The following PEAK1 variants were observed in gnomAD, a reference collection of about 807,000 sequenced individuals.
PEAK1 encodes the protein pseudopodium enriched atypical kinase 1, also known as inactive tyrosine-protein kinase PEAK1.
A neutral mutation model predicts 124.7 loss-of-function variants in PEAK1; 54 were observed. That is an observed-to-expected ratio of 0.43 (90% CI 0.35 to 0.54). The LOEUF is 0.54. Ranked by LOEUF, PEAK1 falls within the 20% of genes least tolerant of loss-of-function variation. The pLI is 0.01. For missense variants in PEAK1, 2,046 were observed against 2,134.5 expected (o/e 0.96, Z 0.82); for synonymous variants, 719 against 760.0 (o/e 0.95, Z 0.89).
intron 8 of PEAK1, among the ~76,000 whole-genome samples, chr15:77,149,859 T>C (rs1240329251): frequency 6.6e-6 from 1 of 152,074 alleles, no homozygotes; most frequent in Non-Finnish European, 1.5e-5. Flanking sequence ...AAGGATAATC[T>C]TAACTCAGCC....
intron 1 of PEAK1, among the ~76,000 whole-genome samples, chr15:77,394,806 A>T (rs1011171001): frequency 3.9e-5 from 6 of 152,252 alleles, no homozygotes; most frequent in Non-Finnish European, 1.5e-5. Flanking sequence ...AATAAGGCAC[A>T]AGGAATCAAT....
intron 1 of PEAK1, among the ~76,000 whole-genome samples, chr15:77,381,896 G>C (rs957201074): frequency 2.6e-5 from 4 of 152,116 alleles, no homozygotes; most frequent in African/African-American, 9.7e-5. Flanking sequence ...GGGACTAAAA[G>C]AAATGAGATG....
At chr15:77,332,077 A>T (rs995015424) in intron 2 of PEAK1, 1 of 572,962 alleles carries the variant, frequency 1.7e-6, no homozygotes, top group Non-Finnish European at 2.2e-6. Flanking sequence ...TCTACTAAAA[A>T]TACGCCACTG....
intron 1 of PEAK1, chr15:77,417,298 A>T: frequency 1.1e-6 from 1 of 952,022 alleles, no homozygotes. Flanking sequence ...AGGTACTCAA[A>T]CATTTGTCAA....
chr15:77,143,526 C>T (rs1567023638), intron 8 of PEAK1, among the ~76,000 whole-genome samples: 2 of 152,166 alleles, frequency 1.3e-5, no homozygotes, highest in East Asian at 1.9e-4. Flanking sequence ...ACCTGTTTCT[C>T]GTCGCATTTC....
chr15:77,411,164 GT>G (rs1208454372), intron 1 of PEAK1, among the ~76,000 whole-genome samples: 2 of 151,782 alleles, frequency 1.3e-5, no homozygotes, highest in African/African-American at 4.8e-5. Context: ...AAAAAAAAAG[GT>G]GGGGCAAATT....
At chr15:77,117,331 C>T (rs1421160936) in intron 9 of PEAK1, among the ~76,000 whole-genome samples, 1 of 152,210 alleles carries the variant, frequency 6.6e-6, no homozygotes, top group Non-Finnish European at 1.5e-5. Flanking sequence ...GGGTCTCAGT[C>T]TCCCTATTAA....
chr15:77,328,694 A>G (rs2065721248), intron 2 of PEAK1, among the ~76,000 whole-genome samples: 1 of 152,188 alleles, frequency 6.6e-6, no homozygotes, highest in Non-Finnish European at 1.5e-5. Context: ...GTGTGAAGGC[A>G]AAGTCTATTT....
chr15:77,347,260 T>C (rs1351540492), intron 2 of PEAK1: 1 of 984,964 alleles, frequency 1.0e-6, no homozygotes, highest in Non-Finnish European at 1.2e-6. Flanking sequence ...AAAATAAAAC[T>C]ATGACCCACG....
At chr15:77,353,672 T>C (rs923552152) in intron 2 of PEAK1, among the ~76,000 whole-genome samples, 6 of 152,188 alleles carry the variant, frequency 3.9e-5, no homozygotes, top group Non-Finnish European at 5.9e-5. Context: ...GTTTCTTTTA[T>C]ATGTATAATA....
intron 6 of PEAK1, among the ~76,000 whole-genome samples, chr15:77,194,447 G>A (rs895659523): frequency 7.9e-5 from 12 of 152,174 alleles, no homozygotes; most frequent in East Asian, 5.8e-4. Context: ...CATTTTTAAA[G>A]CAGCCATTAT....
At chr15:77,184,904 C>T (rs535431848) in intron 6 of PEAK1, among the ~76,000 whole-genome samples, 10 of 152,214 alleles carry the variant, frequency 6.6e-5, no homozygotes, top group Non-Finnish European at 7.4e-5. Flanking sequence ...CATAGAACTA[C>T]GCACTTAAAA....
rs2068616049 is a variant in PEAK1, at chr15:77,371,193, G to GT, written c.-665-5969dup. 4.1e-6 allele frequency: 4 copies of GT among 983,416 alleles called. No homozygotes were observed. The South Asian group carries it at 1.9e-4, about 46-fold the overall frequency. 60.9% of individuals were successfully genotyped at this position (983,416 alleles called of 1,614,324 possible). On this transcript the variant is annotated intron_variant, in intron 1 of 9. Transcript: ENST00000682557. ...ATTATTTTGGTTACCTTTTTACTAAGTAATTTTATTCTATGGATAGCAACC... is the reference window on the plus strand; with the variant it reads ...ATTATTTTGGTTACCTTTTTACTAAGTTAATTTTATTCTATGGATAGCAACC...
chr15:77,126,537 T>C (rs890775662), intron 9 of PEAK1, among the ~76,000 whole-genome samples: 1 of 152,190 alleles, frequency 6.6e-6, no homozygotes, highest in Non-Finnish European at 1.5e-5. Context: ...TAGTGAGTGA[T>C]CTATAAGATG....
intron 6 of PEAK1, among the ~76,000 whole-genome samples, chr15:77,229,769 T>C (rs2059827732): frequency 6.6e-6 from 1 of 151,680 alleles, no homozygotes; most frequent in Non-Finnish European, 1.5e-5. Context: ...TGCCTCAGCC[T>C]CCTGAGTAAC....
chr15:77,210,902 C>CAA (rs980736249), intron 6 of PEAK1, among the ~76,000 whole-genome samples: 1 of 152,130 alleles, frequency 6.6e-6, no homozygotes, highest in African/African-American at 2.4e-5. Flanking sequence ...AAAACAAAAA[C>CAA]AAAATTCACA....
intron 2 of PEAK1, chr15:77,334,779 A>C (rs1426187650): frequency 2.0e-6 from 2 of 984,484 alleles, no homozygotes; most frequent in Admixed American, 6.2e-5. Context: ...CTTTTGTCTT[A>C]TTTTGTCATT....
chr15:77,339,318 G>T (rs2066398335), intron 2 of PEAK1, among the ~76,000 whole-genome samples: 1 of 151,822 alleles, frequency 6.6e-6, no homozygotes, highest in African/African-American at 2.4e-5. Flanking sequence ...TGCCCAGGCT[G>T]GTCTAGAGCT....
At chr15:77,362,462 C>T (rs1004106396) in intron 2 of PEAK1, among the ~76,000 whole-genome samples, 1 of 152,142 alleles carries the variant, frequency 6.6e-6, no homozygotes, top group Non-Finnish European at 1.5e-5. Flanking sequence ...CACTTCACAT[C>T]CACTGAGTGG....
Sources: gnomAD v4.1 joint callset for allele counts (sites outside exome capture counted in the v4.1 genomes callset) on GRCh38, gnomAD v4.1.1 for gene constraint, MANE v1.5 for transcripts, NCBI Gene and HGNC (gene_info 2026-07-23, HGNC 2026-07-21) for gene names.